Variants in EFCAB5 observed in about 807,000 individuals in gnomAD.
The protein encoded by EFCAB5 is EF-hand calcium binding domain 5, also known as EF-hand calcium-binding domain-containing protein 5.
Under a neutral mutation model 167.9 loss-of-function variants are expected in EFCAB5, and 131 were observed. The ratio of observed to expected loss-of-function variants is 0.78; its 90% CI spans 0.68 to 0.90. The LOEUF is 0.90. Ranked by LOEUF, EFCAB5 falls within the 40% of genes least tolerant of loss-of-function variation. The probability of loss-of-function intolerance (pLI) is 0.00; values close to 1 mark genes in which losing one functional copy is unlikely to be tolerated. For missense variants in EFCAB5, 1,663 were observed against 1,745.2 expected (o/e 0.95, Z 0.84); for synonymous variants, 574 against 602.8 (o/e 0.95, Z 0.70).
In EFCAB5 at chr17:29,996,298, CTT is replaced by C. The variant is rs1012177990; in HGVS notation, c.925-11_925-10del. 6.5e-6 allele frequency: 10 copies of C among 1,546,132 alleles called. No homozygotes were observed. The African/African-American group carries it at 1.4e-4, about 21-fold the overall frequency. On this transcript the variant is annotated splice_polypyrimidine_tract_variant and intron_variant, in intron 5 of 22. Coordinates refer to ENST00000394835, the MANE Select transcript of EFCAB5 (RefSeq NM_198529.4). Reference sequence around the variant, plus strand: ...CATATGGTTTCTTTCTTTTTTTCCTCTTTTGAGTTGCAGATTCAGAATGTTCT... The same window carrying C: ...CATATGGTTTCTTTCTTTTTTTCCTCTTGAGTTGCAGATTCAGAATGTTCT...
intron 3 of EFCAB5, among the ~76,000 whole-genome samples, chr17:29,946,533 T>C (rs1293316831): frequency 6.8e-6 from 1 of 146,178 alleles, no homozygotes; most frequent in Non-Finnish European, 1.5e-5. Context: ...GCCTCCCAGG[T>C]TCACGCCATT....
intron 14 of EFCAB5, among the ~76,000 whole-genome samples, chr17:30,063,843 G>A (rs76800795): frequency 0.02 from 2,985 of 152,196 alleles, 89 homozygotes; most frequent in African/African-American, 0.067. Context: ...AACATATGCC[G>A]CTGCTGCTGC....
intron 18 of EFCAB5, 81 bp downstream of exon 18, chr17:30,083,124 A>G: frequency 1.4e-5 from 20 of 1,465,182 alleles, no homozygotes; most frequent in Non-Finnish European, 1.8e-5. Context: ...TTTGAAAACC[A>G]TATTAATTAG....
intron 14 of EFCAB5, chr17:30,069,352 A>G (rs1022666352): frequency 3.0e-5 from 46 of 1,556,672 alleles, no homozygotes; most frequent in Non-Finnish European, 4.1e-5. Flanking sequence ...ATCAGCGACT[A>G]ATTGGTGAAA....
upstream of EFCAB5, among the ~76,000 whole-genome samples, chr17:29,941,014 C>T (rs999017612): frequency 3.3e-5 from 5 of 150,892 alleles, no homozygotes; most frequent in African/African-American, 4.9e-5. Context: ...TACTCCAGCC[C>T]GGGCGACAGA....
chr17:30,051,104 T>A lies in EFCAB5; in HGVS notation c.1201-14T>A. The A allele has an allele frequency of 1.2e-6, 2 of 1,612,726 alleles. No individual in the cohort carries two copies. Among genetic ancestry groups the A allele is most frequent in the Non-Finnish European group, 1.7e-6 (2 of 1,178,998 alleles). On this transcript the variant is annotated splice_polypyrimidine_tract_variant and intron_variant, in intron 8 of 22. Transcript: ENST00000394835. ...TCCTGTAACAACTAATCACAAACTT[T>A]CTTCTTTGCTTAGGTAGGGTTTTTG...
intron 7 of EFCAB5, among the ~76,000 whole-genome samples, chr17:30,020,642 A>C (rs1162084594): frequency 2.0e-5 from 3 of 152,132 alleles, no homozygotes; most frequent in Non-Finnish European, 2.9e-5. Context: ...GGTGTGAGCC[A>C]CTGTGCCTGG....
At chr17:29,992,330 T>G (rs2068438890) in intron 4 of EFCAB5, among the ~76,000 whole-genome samples, 2 of 152,182 alleles carry the variant, frequency 1.3e-5, no homozygotes, top group African/African-American at 2.4e-5. Context: ...AAAGGCTGTA[T>G]AGTATTCCAT....
At chr17:29,962,322 A>C (rs996888067) in intron 3 of EFCAB5, among the ~76,000 whole-genome samples, 6 of 152,166 alleles carry the variant, frequency 3.9e-5, no homozygotes, top group African/African-American at 1.4e-4. Context: ...GAATAGGGAC[A>C]TCTTTCTATT....
chr17:30,107,397 C>T (rs890863309), intron 22 of EFCAB5, among the ~76,000 whole-genome samples: 12 of 152,134 alleles, frequency 7.9e-5, no homozygotes, highest in African/African-American at 2.2e-4. Context: ...TATCTTTCCT[C>T]GATCCCACTG....
intron 1 of EFCAB5, among the ~76,000 whole-genome samples, chr17:29,931,005 C>G (rs1362956611): frequency 6.6e-6 from 1 of 152,010 alleles, no homozygotes. Context: ...CTTTCATAGA[C>G]CTATGTAAAA....
At chr17:30,092,216 T>C (rs2071213767) in intron 21 of EFCAB5, 59 bp downstream of exon 21, 1 of 1,504,180 alleles carries the variant, frequency 6.6e-7, no homozygotes, top group East Asian at 2.3e-5. Flanking sequence ...CAAATTTAAC[T>C]GTACAAATCA....
intron 14 of EFCAB5, among the ~76,000 whole-genome samples, chr17:30,063,626 C>A (rs1232073402): frequency 6.6e-6 from 1 of 152,150 alleles, no homozygotes; most frequent in Non-Finnish European, 1.5e-5. Context: ...GAATCAGGAG[C>A]CACAGTAAGT....
At chr17:29,979,259 C>T (rs1438492526) in intron 4 of EFCAB5, among the ~76,000 whole-genome samples, 2 of 151,968 alleles carry the variant, frequency 1.3e-5, no homozygotes, top group East Asian at 1.9e-4. Flanking sequence ...GGGAGAATTG[C>T]TTGAACATGG....
At chr17:30,014,689 T>G (rs369335798) in intron 7 of EFCAB5, among the ~76,000 whole-genome samples, 6 of 152,222 alleles carry the variant, frequency 3.9e-5, no homozygotes, top group African/African-American at 1.4e-4. Flanking sequence ...TGAGTCCATG[T>G]GTGTCTCTGC....
At chr17:29,955,702 T>A (rs2067601343) in intron 3 of EFCAB5, among the ~76,000 whole-genome samples, 1 of 152,158 alleles carries the variant, frequency 6.6e-6, no homozygotes, top group African/African-American at 2.4e-5. Flanking sequence ...TGCTCATGTA[T>A]TGGAAGAATC....
At chr17:29,941,194 TA>T (rs902299195), upstream of EFCAB5, among the ~76,000 whole-genome samples, 1 of 152,148 alleles carries the variant, frequency 6.6e-6, no homozygotes. Flanking sequence ...TACAAACTCT[TA>T]AATGATTTTT....
chr17:30,034,337 G>A lies in EFCAB5; in HGVS notation c.1152G>A (p.Met384Ile). 6.2e-7 allele frequency: 1 copy of A among 1,612,688 alleles called. No individual in the cohort carries two copies. The highest frequency in any genetic ancestry group is 8.5e-7 in the Non-Finnish European group (1 of 1,179,136). The change falls in exon 8 of 23, where the codon ATG (methionine) becomes ATA (isoleucine). Residue 384 changes from methionine to isoleucine, a missense_variant. Transcript: ENST00000394835. ...DEFREVIKADMRRQMFAELFL... is the reference protein window; with the variant it reads ...DEFREVIKADIRRQMFAELFL... ...TTCGGGAGGTCATAAAAGCTGACAT[G>A]CGGAGGCAGATGTTCGCTGAACTCT...
chr17:30,007,607 T>C (rs970596300), intron 7 of EFCAB5, among the ~76,000 whole-genome samples: 12 of 152,178 alleles, frequency 7.9e-5, no homozygotes, highest in African/African-American at 2.2e-4. Flanking sequence ...TTCTGTGTGG[T>C]TAGAGACTTC....
Sources: allele counts gnomAD v4.1 joint callset (sites outside exome capture counted in the v4.1 genomes callset), GRCh38; gene constraint gnomAD v4.1.1; transcripts MANE v1.5; gene names NCBI Gene and HGNC (gene_info 2026-07-23, HGNC 2026-07-21).